PLXNA4: variants seen among roughly 807,000 people sequenced by gnomAD.
PLXNA4 encodes plexin-A4.
PLXNA4 carries 44 observed loss-of-function variants against 191.8 expected under a neutral mutation model. The observed-to-expected ratio is 0.23, with a 90% confidence interval of 0.18 to 0.29. The LOEUF (loss-of-function observed/expected upper bound fraction) is 0.29, where lower values mean the gene tolerates loss of function less well. Ranked by LOEUF, PLXNA4 falls within the 10% of genes least tolerant of loss-of-function variation. The pLI, the probability that PLXNA4 is intolerant of heterozygous loss-of-function variation, is 1.00. For missense variants in PLXNA4, 1,800 were observed against 2,488.8 expected, an observed-to-expected ratio of 0.72 and a Z score of 5.89; for synonymous variants, 1,082 against 1,009.5, an observed-to-expected ratio of 1.07 and a Z score of -1.36.
In PLXNA4 at chr7:132,191,386, G is replaced by A. The variant is rs528170602; in HGVS notation, c.2856+2676C>T. Among the ~76,000 whole-genome samples, 4 of 152,300 alleles carry A rather than the reference G, an allele frequency of 2.6e-5. No homozygotes were observed. The East Asian group carries it at 7.7e-4, about 29-fold the overall frequency. On this transcript the variant is annotated intron_variant, in intron 14 of 31. Transcript: ENST00000321063. ...TCACTGATGGGAATAGGCAAGAGAG[G>A]AGGATGCACTCTTTATGGGAGCTGA... is the stretch of plus-strand genomic sequence containing the variant.
chr7:132,217,047 G>C (rs1401941572), intron 9 of PLXNA4, among the ~76,000 whole-genome samples: 1 of 152,218 alleles, frequency 6.6e-6, no homozygotes, highest in Non-Finnish European at 1.5e-5. Flanking sequence ...GTGAGAAGTG[G>C]CAGCAGCTCG....
At chr7:132,566,972 C>T (rs1242030991) in intron 1 of PLXNA4, among the ~76,000 whole-genome samples, 2 of 152,130 alleles carry the variant, frequency 1.3e-5, no homozygotes, top group Admixed American at 6.5e-5. Flanking sequence ...CTGAAGTAAA[C>T]CAAAACTTGA....
intron 28 of PLXNA4, 79 bp downstream of exon 28, chr7:132,146,431 A>T: frequency 6.2e-7 from 1 of 1,612,190 alleles, no homozygotes; most frequent in South Asian, 1.1e-5. Context: ...GGTACTGGCT[A>T]CTCTGGCATT....
At chr7:132,389,473 G>T (rs1333138674) in intron 3 of PLXNA4, among the ~76,000 whole-genome samples, 1 of 152,142 alleles carries the variant, frequency 6.6e-6, no homozygotes, top group Non-Finnish European at 1.5e-5. Flanking sequence ...TCTAGTTTCA[G>T]CTTTCTGCAT....
chr7:132,182,225 T>C (rs1562904450), intron 16 of PLXNA4, 35 bp from the exon 17 acceptor site: 1 of 1,611,558 alleles, frequency 6.2e-7, no homozygotes, highest in African/African-American at 1.3e-5. Flanking sequence ...GTGTAAATGA[T>C]AAGTTCAGGA....
At chr7:132,473,437 TG>T (rs1444523779) in intron 3 of PLXNA4, among the ~76,000 whole-genome samples, 4 of 152,200 alleles carry the variant, frequency 2.6e-5, no homozygotes, top group Non-Finnish European at 4.4e-5. Context: ...TGGGGACCCC[TG>T]TCTCCTGCTT....
chr7:132,181,245 C>T, intron 18 of PLXNA4, 136 bp downstream of exon 18: 1 of 1,449,386 alleles, frequency 6.9e-7, no homozygotes, highest in Non-Finnish European at 9.3e-7. Flanking sequence ...GAACATTTAT[C>T]ACACTCTGGG....
At chr7:132,315,818 T>C (rs1227795647) in intron 3 of PLXNA4, among the ~76,000 whole-genome samples, 2 of 152,176 alleles carry the variant, frequency 1.3e-5, no homozygotes, top group Non-Finnish European at 2.9e-5. Flanking sequence ...CAGGCTGGCA[T>C]GAGCAAAGGC....
chr7:132,618,359 C>T (rs1803194974), intron 2 of PLXNA4, among the ~76,000 whole-genome samples: 1 of 152,186 alleles, frequency 6.6e-6, no homozygotes, highest in Non-Finnish European at 1.5e-5. Flanking sequence ...CTCTCTATGT[C>T]CCATTAGGGG....
intron 1 of PLXNA4, among the ~76,000 whole-genome samples, chr7:132,562,592 TCTC>T (rs1314618002): frequency 1.7e-3 from 73 of 43,730 alleles, no homozygotes; most frequent in African/African-American, 3.2e-3. Context: ...TCTTCCTCTT[TCTC>T]CTCCTCCTCC....
At chr7:132,311,995 C>A (rs1801760991) in intron 3 of PLXNA4, among the ~76,000 whole-genome samples, 1 of 151,972 alleles carries the variant, frequency 6.6e-6, no homozygotes, top group Non-Finnish European at 1.5e-5. Context: ...CACAAAGGGG[C>A]TTTTGACCAC....
intron 25 of PLXNA4, among the ~76,000 whole-genome samples, chr7:132,156,343 T>C (rs193198152): frequency 4.5e-4 from 68 of 152,172 alleles, no homozygotes; most frequent in African/African-American, 1.6e-3. Context: ...TGAATAGACA[T>C]GTCAGGAGTG....
At chr7:132,580,251 C>T (rs1309288260), upstream of PLXNA4, among the ~76,000 whole-genome samples, 2 of 151,970 alleles carry the variant, frequency 1.3e-5, no homozygotes, top group African/African-American at 2.4e-5. Context: ...CTATCTTGTC[C>T]CCACCCCAAG....
intron 3 of PLXNA4, among the ~76,000 whole-genome samples, chr7:132,454,533 G>A (rs557528479): frequency 6.6e-6 from 1 of 152,136 alleles, no homozygotes; most frequent in Non-Finnish European, 1.5e-5. Context: ...GTTGTTCTGA[G>A]CTGAAGTGCG....
chr7:132,347,779 T>C (rs1287040606), intron 3 of PLXNA4, among the ~76,000 whole-genome samples: 1 of 152,180 alleles, frequency 6.6e-6, no homozygotes, highest in African/African-American at 2.4e-5. Flanking sequence ...GCTTTCTAAC[T>C]CAGTCCAGGG....
intron 3 of PLXNA4, among the ~76,000 whole-genome samples, chr7:132,372,459 C>T (rs574367501): frequency 6.6e-6 from 1 of 152,312 alleles, no homozygotes; most frequent in African/African-American, 2.4e-5. Flanking sequence ...GATGACAGTC[C>T]TCTGAAGGAG....
chr7:132,394,926 G>C (rs538488019), intron 3 of PLXNA4, among the ~76,000 whole-genome samples: 1 of 152,248 alleles, frequency 6.6e-6, no homozygotes, highest in Non-Finnish European at 1.5e-5. Flanking sequence ...CAGGTGAGCC[G>C]TGGGACCAGC....
At chr7:132,148,473 C>T in intron 26 of PLXNA4, 70 bp downstream of exon 26, 1 of 1,594,154 alleles carries the variant, frequency 6.3e-7, no homozygotes. Flanking sequence ...CCCTGTTATT[C>T]CAGGGCAATG....
Position 132,423,747 on chromosome 7 carries a change from G to A in PLXNA4, c.1371+65545C>T, listed in dbSNP as rs1794935747. Among the ~76,000 whole-genome samples, 2 of 152,150 alleles carry A rather than the reference G, an allele frequency of 1.3e-5. 1 individual carries two copies. The highest frequency in any genetic ancestry group is 1.3e-4 in the Admixed American group (2 of 15,274). On this transcript the variant is annotated intron_variant, in intron 3 of 31. Transcript: ENST00000321063. Reference sequence around the variant, plus strand: ...CCTGAAATGATCCGATAACAACAGAGCTGATTGTGACTGGTCCTCCCTCCC... The same window carrying A: ...CCTGAAATGATCCGATAACAACAGAACTGATTGTGACTGGTCCTCCCTCCC...
Sources: allele counts gnomAD v4.1 joint callset (sites outside exome capture counted in the v4.1 genomes callset), GRCh38; gene constraint gnomAD v4.1.1; transcripts MANE v1.5; gene names NCBI Gene and HGNC (gene_info 2026-07-23, HGNC 2026-07-21).